The following PDE9A variants were observed in gnomAD, a reference collection of about 807,000 sequenced individuals.
PDE9A encodes phosphodiesterase 9A.
Under a neutral mutation model 87.4 loss-of-function variants are expected in PDE9A, and 60 were observed. That is an observed-to-expected ratio of 0.69 (90% CI 0.56 to 0.85). The LOEUF (loss-of-function observed/expected upper bound fraction) is 0.85. Ranked by LOEUF, PDE9A falls within the 40% of genes least tolerant of loss-of-function variation. The probability of loss-of-function intolerance (pLI) is 0.00; values close to 1 mark genes in which losing one functional copy is unlikely to be tolerated. For synonymous variants in PDE9A, 272 were observed against 279.4 expected, an observed-to-expected ratio of 0.97 and a Z score of 0.27; for missense variants, 665 against 779.0, an observed-to-expected ratio of 0.85 and a Z score of 1.74.
At chr21:42,732,145 AC>A in intron 6 of PDE9A, 21 bp downstream of exon 6, 3 of 1,609,720 alleles carry the variant, frequency 1.9e-6, no homozygotes, top group Non-Finnish European at 2.5e-6. Context: ...TTCTAAACTT[AC>A]AACCAGCCAG....
chr21:42,768,915 G>A (rs2056647207), intron 16 of PDE9A, 112 bp from the exon 17 acceptor site: 2 of 1,503,920 alleles, frequency 1.3e-6, no homozygotes, highest in Non-Finnish European at 1.8e-6. Context: ...CATTTGTGGT[G>A]TGGTTTGGTT....
In PDE9A at chr21:42,653,735, TGCTCCCCTCCCCC is replaced by T; in HGVS notation, c.-77_-65del. On this transcript the variant is annotated 5_prime_UTR_variant, in exon 1 of 20. Coordinates refer to ENST00000291539, the MANE Select transcript of PDE9A (RefSeq NM_002606.3). ...GCCGCCCCCCGCCCGCCCCCTCCCC[TGCTCCCCTCCCCC>T]GCCTCCCGCGGCGGCTGGCGTCGGG... 5.0e-6 allele frequency: 1 copy of T among 201,300 alleles called. No homozygotes were observed. The highest frequency in any genetic ancestry group is 8.8e-6 in the Non-Finnish European group (1 of 113,346). The allele number at this position is 201,300 out of a possible 1,614,324, so 12.5% of individuals were successfully genotyped here.
chr21:42,761,251 C>T (rs2055731750), intron 13 of PDE9A, among the ~76,000 whole-genome samples: 1 of 152,260 alleles, frequency 6.6e-6, no homozygotes, highest in African/African-American at 2.4e-5. Context: ...GGGATGGGGG[C>T]TCCACACCCC....
At chr21:42,735,534 T>A (rs1379734522) in intron 7 of PDE9A, among the ~76,000 whole-genome samples, 2 of 152,206 alleles carry the variant, frequency 1.3e-5, no homozygotes, top group Non-Finnish European at 2.9e-5. Flanking sequence ...CCTGGTTCCA[T>A]GCCTGTCTCC....
intron 16 of PDE9A, chr21:42,768,502 C>G (rs1205614567): frequency 9.5e-6 from 12 of 1,269,050 alleles, no homozygotes; most frequent in Non-Finnish European, 1.2e-5. Context: ...TCCAGAAAAG[C>G]TAATACTCTA....
intron 1 of PDE9A, among the ~76,000 whole-genome samples, chr21:42,684,121 G>A (rs2059316785): frequency 6.6e-6 from 1 of 152,240 alleles, no homozygotes; most frequent in African/African-American, 2.4e-5. Flanking sequence ...CCACTGCGTG[G>A]GAATCCCTCA....
At chr21:42,682,624 C>A (rs758397039) in intron 1 of PDE9A, among the ~76,000 whole-genome samples, 2 of 152,248 alleles carry the variant, frequency 1.3e-5, no homozygotes, top group African/African-American at 2.4e-5. Flanking sequence ...ATTTGATGAA[C>A]CCCTCTCTTC....
chr21:42,769,601 CAA>C (rs1272769078), intron 17 of PDE9A, among the ~76,000 whole-genome samples: 158 of 146,392 alleles, frequency 1.1e-3, no homozygotes, highest in Middle Eastern at 3.7e-3. Context: ...CACAGGCACA[CAA>C]ATGCACATGC....
chr21:42,658,245 C>G (rs1363666063), intron 1 of PDE9A, among the ~76,000 whole-genome samples: 1 of 152,216 alleles, frequency 6.6e-6, no homozygotes, highest in Non-Finnish European at 1.5e-5. Context: ...CTCAGGTCCT[C>G]CCCGCAGTGC....
intron 7 of PDE9A, among the ~76,000 whole-genome samples, chr21:42,740,473 T>C (rs2146844287): frequency 6.7e-6 from 1 of 149,360 alleles, no homozygotes; most frequent in South Asian, 2.1e-4. Context: ...AAAAGAAAGA[T>C]AGGTAGATAC....
At chr21:42,749,447 G>C (rs1423792362) in intron 8 of PDE9A, among the ~76,000 whole-genome samples, 1 of 152,176 alleles carries the variant, frequency 6.6e-6, no homozygotes, top group African/African-American at 2.4e-5. Flanking sequence ...AGGGGCCCAA[G>C]AGCAGCCAGA....
intron 17 of PDE9A, 115 bp downstream of exon 17, chr21:42,769,270 C>G (rs1419263822): frequency 1.1e-6 from 1 of 917,420 alleles, no homozygotes; most frequent in Non-Finnish European, 1.7e-6. Flanking sequence ...CACACTCATG[C>G]ACACACGTAC....
intron 1 of PDE9A, among the ~76,000 whole-genome samples, chr21:42,674,596 A>C (rs1468237463): frequency 6.6e-6 from 1 of 151,978 alleles, no homozygotes; most frequent in Non-Finnish European, 1.5e-5. Context: ...TTCCCTTCCC[A>C]GGAGGGGCCC....
In PDE9A at chr21:42,740,760, G is replaced by A. The variant is rs55779474; in HGVS notation, c.569-3016G>A. Among the ~76,000 whole-genome samples, 214 of 123,092 alleles carry A rather than the reference G, an allele frequency of 1.7e-3. 1 individual carries two copies. The highest frequency in any genetic ancestry group is 5.1e-3 in the African/African-American group (159 of 30,944). 80.8% of individuals were successfully genotyped at this position (123,092 alleles called of 152,430 possible). On this transcript the variant is annotated intron_variant, in intron 7 of 19. Transcript: ENST00000291539. ...GATAGATAGATAGATAAACAGGATA[G>A]ATAGATAGATAGATAGATAGATAGA...
At chr21:42,740,690 T>G (rs2053096859) in intron 7 of PDE9A, among the ~76,000 whole-genome samples, 1 of 141,806 alleles carries the variant, frequency 7.1e-6, no homozygotes, top group Admixed American at 7.1e-5. Flanking sequence ...AGATACACAG[T>G]AGGTAGGTAG....
chr21:42,701,150 TACCA>T (rs1171548552), intron 4 of PDE9A: 1 of 152,232 alleles, frequency 6.6e-6, no homozygotes, highest in Non-Finnish European at 1.5e-5. Flanking sequence ...AATAATGTGT[TACCA>T]TTGTTAATAT....
chr21:42,769,621 C>A (rs1167317042), intron 17 of PDE9A, among the ~76,000 whole-genome samples: 1 of 144,504 alleles, frequency 6.9e-6, no homozygotes, highest in African/African-American at 2.6e-5. Flanking sequence ...TGCAGGTACA[C>A]ATGCACACAC....
intron 1 of PDE9A, among the ~76,000 whole-genome samples, chr21:42,658,636 C>G (rs1218316672): frequency 6.6e-6 from 1 of 152,228 alleles, no homozygotes; most frequent in Non-Finnish European, 1.5e-5. Context: ...AGGGCTGCGT[C>G]CCCCGGCCAC....
chr21:42,667,234 C>T (rs2058066356), intron 1 of PDE9A, among the ~76,000 whole-genome samples: 2 of 152,228 alleles, frequency 1.3e-5, no homozygotes, highest in Non-Finnish European at 2.9e-5. Flanking sequence ...GGTCCAACTT[C>T]TAGCAGCCCA....
Sources: allele counts gnomAD v4.1 joint callset (sites outside exome capture counted in the v4.1 genomes callset), GRCh38; gene constraint gnomAD v4.1.1; transcripts MANE v1.5; gene names NCBI Gene and HGNC (gene_info 2026-07-23, HGNC 2026-07-21).